KAZN: variants seen among roughly 807,000 people sequenced by gnomAD.
KAZN encodes the protein kazrin.
Under a neutral mutation model 87.4 loss-of-function variants are expected in KAZN, and 40 were observed. That is an observed-to-expected ratio of 0.46 (90% CI 0.36 to 0.60). KAZN has a LOEUF of 0.60. KAZN is among the 20% of genes least tolerant of loss of function. The pLI, the probability that KAZN is intolerant of heterozygous loss-of-function variation, is 0.00. For synonymous variants in KAZN, 466 were observed against 458.3 expected (o/e 1.02, Z -0.22); for missense variants, 898 against 1,073.9 (o/e 0.84, Z 2.29).
chr1:14,530,934 A>G (rs967524755), intron 2 of KAZN, among the ~76,000 whole-genome samples: 6 of 152,146 alleles, frequency 3.9e-5, no homozygotes, highest in Admixed American at 2.6e-4. Flanking sequence ...TTAGCCAGGC[A>G]TAGTGCTGTG....
At chr1:13,996,269 C>T (rs573347704) in intron 1 of KAZN, among the ~76,000 whole-genome samples, 178 of 152,318 alleles carry the variant, frequency 1.2e-3, no homozygotes, top group African/African-American at 4.2e-3. Context: ...ACCCCCGAGC[C>T]GCGCAGATTC....
chr1:14,082,936 C>T (rs1350929426), intron 1 of KAZN, among the ~76,000 whole-genome samples: 1 of 152,226 alleles, frequency 6.6e-6, no homozygotes, highest in Non-Finnish European at 1.5e-5. Flanking sequence ...TGGCTCACGC[C>T]TGTAATCCCA....
intron 3 of KAZN, among the ~76,000 whole-genome samples, chr1:15,038,325 GCTGTTA>G (rs1557741382): frequency 6.6e-6 from 1 of 152,164 alleles, no homozygotes; most frequent in African/African-American, 2.4e-5. Context: ...AAAAGATGGC[GCTGTTA>G]CCAGGTAATC....
chr1:14,965,835 A>C (rs1664398025), intron 2 of KAZN, among the ~76,000 whole-genome samples: 1 of 152,326 alleles, frequency 6.6e-6, no homozygotes, highest in South Asian at 2.1e-4. Context: ...GCTTTTGCTC[A>C]TATGGTTTAG....
At chr1:14,268,911 T>A (rs773315109) in intron 2 of KAZN, among the ~76,000 whole-genome samples, 6 of 152,242 alleles carry the variant, frequency 3.9e-5, no homozygotes, top group Admixed American at 6.5e-5. Flanking sequence ...TAATCCAGGA[T>A]AAGTCTATCT....
chr1:15,095,083 A>T (rs901147796), intron 10 of KAZN, 150 bp downstream of exon 10: 21 of 627,072 alleles, frequency 3.3e-5, no homozygotes, highest in Non-Finnish European at 3.7e-5. Flanking sequence ...GATGCCCCTG[A>T]TGAGGGGGCT....
At position 15,065,742 on chromosome 1, in the gene KAZN, G is replaced by T. The variant is rs769709217; in HGVS notation, c.1211G>T (p.Gly404Val). 6.2e-7 allele frequency: 1 copy of T among 1,614,218 alleles called. No homozygotes were observed. Among genetic ancestry groups the T allele is most frequent in the South Asian group, 1.1e-5 (1 of 91,084 alleles). ...RGKQRKSLDP[G>V]LFDDSDSQCS... ...AAGCAGCGGAAGTCCCTCGACCCCGGCCTCTTTGATGGTACCGCCCCTGAT... is the reference window on the plus strand; with the variant it reads ...AAGCAGCGGAAGTCCCTCGACCCCGTCCTCTTTGATGGTACCGCCCCTGAT... The change falls in exon 8 of 15, where the codon GGC (glycine) becomes GTC (valine). Residue 404 changes from glycine to valine, a missense_variant. By Grantham distance (109) the Gly-to-Val change is moderately radical. Transcript: ENST00000376030.
intron 2 of KAZN, among the ~76,000 whole-genome samples, chr1:14,237,171 C>T (rs1052120065): frequency 6.6e-6 from 1 of 152,122 alleles, no homozygotes; most frequent in African/African-American, 2.4e-5. Flanking sequence ...GAACACCTTT[C>T]AGCATCTCAC....
chr1:14,246,859 G>A (rs1244273296), intron 2 of KAZN, among the ~76,000 whole-genome samples: 2 of 152,032 alleles, frequency 1.3e-5, no homozygotes, highest in Non-Finnish European at 2.9e-5. Context: ...CCTAGCTGTG[G>A]GTCATCTCTC....
intron 1 of KAZN, among the ~76,000 whole-genome samples, chr1:14,944,801 A>T (rs545810751): frequency 1.1e-3 from 170 of 152,354 alleles, no homozygotes; most frequent in African/African-American, 3.7e-3. Flanking sequence ...AAAGTGCTTT[A>T]TTCAGCACTT....
At chr1:14,341,709 T>A (rs1193025861) in intron 2 of KAZN, among the ~76,000 whole-genome samples, 1 of 152,182 alleles carries the variant, frequency 6.6e-6, no homozygotes, top group Admixed American at 6.5e-5. Context: ...GGGGTTCCAA[T>A]CTGCCCACTT....
intron 1 of KAZN, among the ~76,000 whole-genome samples, chr1:14,675,855 TAG>T (rs1427977291): frequency 3.9e-5 from 6 of 152,212 alleles, no homozygotes; most frequent in Non-Finnish European, 5.9e-5. Context: ...TTTGATAGAA[TAG>T]AGAGTCCCCT....
intron 1 of KAZN, among the ~76,000 whole-genome samples, chr1:14,767,523 C>T (rs1180086805): frequency 6.6e-6 from 1 of 152,196 alleles, no homozygotes; most frequent in Non-Finnish European, 1.5e-5. Context: ...GTGCTTTCCC[C>T]ATTGGAAGAA....
At chr1:15,110,390 T>TG (rs1641518083) in intron 13 of KAZN, among the ~76,000 whole-genome samples, 1 of 33,338 alleles carries the variant, frequency 3.0e-5, no homozygotes, top group Non-Finnish European at 8.6e-5. Context: ...TATTTGTGTG[T>TG]TTGTGTGTGT....
In KAZN at chr1:14,709,098, C is replaced by T. The variant is rs187930942; in HGVS notation, c.226+109875C>T. On this transcript the variant is annotated intron_variant, in intron 1 of 14. Transcript: ENST00000376030. Reference sequence around the variant, plus strand: ...ACCAGGCATGGTGCTAGGTGACACACCTGCGTCTGCTCACTGCATCCTCAC... The same window carrying T: ...ACCAGGCATGGTGCTAGGTGACACATCTGCGTCTGCTCACTGCATCCTCAC... Among the ~76,000 whole-genome samples, 5 of 152,220 alleles carry T rather than the reference C, an allele frequency of 3.3e-5. No individual in the cohort carries two copies. In the East Asian group the frequency reaches 7.7e-4, roughly 24 times the overall value.
intron 2 of KAZN, among the ~76,000 whole-genome samples, chr1:14,366,082 C>T (rs762581127): frequency 1.3e-5 from 2 of 152,182 alleles, no homozygotes; most frequent in Non-Finnish European, 2.9e-5. Flanking sequence ...TCCAGAAATA[C>T]ACATCTGTTC....
Position 14,804,279 on chromosome 1 carries a change from C to T in KAZN, c.227-156405C>T, listed in dbSNP as rs1023055206. ...TTAATTCAGAGGATCTGGCAGAGCT[C>T]CCCAGTCCAAAGGAAAGCTGATGAG... On this transcript the variant is annotated intron_variant, in intron 1 of 14. Coordinates refer to ENST00000376030, the MANE Select transcript of KAZN (RefSeq NM_201628.3). Among the ~76,000 whole-genome samples the T allele has an allele frequency of 3.3e-5, 5 of 152,342 alleles. No homozygotes were observed. In the South Asian group the frequency reaches 6.2e-4, roughly 19 times the overall value.
At chr1:14,077,776 G>A (rs1246576049) in intron 1 of KAZN, among the ~76,000 whole-genome samples, 1 of 152,146 alleles carries the variant, frequency 6.6e-6, no homozygotes, top group Non-Finnish European at 1.5e-5. Flanking sequence ...TCACTGGGGT[G>A]GGGGGATATG....
chr1:14,862,807 AATTTCACCAGTT>A (rs1216332729), intron 1 of KAZN, among the ~76,000 whole-genome samples: 1 of 152,216 alleles, frequency 6.6e-6, no homozygotes, highest in Non-Finnish European at 1.5e-5. Flanking sequence ...ACACAGAACC[AATTTCACCAGTT>A]ATTTATCACT....
Sources: allele counts gnomAD v4.1 joint callset (sites outside exome capture counted in the v4.1 genomes callset), GRCh38; gene constraint gnomAD v4.1.1; transcripts MANE v1.5; gene names NCBI Gene and HGNC (gene_info 2026-07-23, HGNC 2026-07-21).